CTNNA2: variants seen among roughly 807,000 people sequenced by gnomAD.
CTNNA2 encodes catenin alpha 2.
A neutral mutation model predicts 101.0 loss-of-function variants in CTNNA2; 42 were observed. The observed-to-expected ratio is 0.42, with a 90% CI of 0.32 to 0.54. The LOEUF (loss-of-function observed/expected upper bound fraction) is 0.54. Ranked by LOEUF, CTNNA2 falls within the 20% of genes least tolerant of loss-of-function variation. The pLI, the probability that CTNNA2 is intolerant of heterozygous loss-of-function variation, is 0.14. For synonymous variants in CTNNA2, 450 were observed against 456.4 expected, an observed-to-expected ratio of 0.99 and a Z score of 0.18; for missense variants, 871 against 1,223.1, an observed-to-expected ratio of 0.71 and a Z score of 4.29.
chr2:80,641,242 T>TTATTCTATTTAG (rs1301755154), intron 18 of CTNNA2, among the ~76,000 whole-genome samples: 2 of 152,210 alleles, frequency 1.3e-5, no homozygotes, highest in Non-Finnish European at 2.9e-5. Flanking sequence ...TTGGCTTATT[T>TTATTCTATTTAG]TATTCTATTT....
At chr2:79,435,564 G>T (rs1199678503) in intron 4 of CTNNA2, among the ~76,000 whole-genome samples, 1 of 152,134 alleles carries the variant, frequency 6.6e-6, no homozygotes, top group African/African-American at 2.4e-5. Flanking sequence ...TGGGAAATTC[G>T]TGATTCTGGG....
chr2:79,986,526 T>C (rs583990), intron 7 of CTNNA2, among the ~76,000 whole-genome samples: 101,326 of 151,958 alleles, frequency 0.67, 34,725 homozygotes, highest in Non-Finnish European at 0.75. Context: ...AATGCTGCAC[T>C]TTTCGTTGTT....
intron 1 of CTNNA2, among the ~76,000 whole-genome samples, chr2:79,600,501 G>A (rs1403838274): frequency 6.6e-6 from 1 of 152,112 alleles, no homozygotes; most frequent in Non-Finnish European, 1.5e-5. Context: ...AAAAGCAGAT[G>A]TGTGACCTGA....
At chr2:79,851,737 C>T (rs7422579) in intron 3 of CTNNA2, among the ~76,000 whole-genome samples, 16 of 87,110 alleles carry the variant, frequency 1.8e-4, no homozygotes, top group African/African-American at 2.3e-4. Context: ...TTTTCTTTTC[C>T]TTTTTTTTTT....
At chr2:80,027,794 C>T (rs1695027329) in intron 7 of CTNNA2, among the ~76,000 whole-genome samples, 1 of 151,380 alleles carries the variant, frequency 6.6e-6, no homozygotes, top group African/African-American at 2.4e-5. Context: ...ACAGCAAGAC[C>T]CTGTTTCTAC....
chr2:79,761,264 G>A (rs1672770217), intron 3 of CTNNA2, among the ~76,000 whole-genome samples: 1 of 151,992 alleles, frequency 6.6e-6, no homozygotes, highest in South Asian at 2.1e-4. Context: ...GTGACCATAA[G>A]GATTTAATGA....
intron 2 of CTNNA2, among the ~76,000 whole-genome samples, chr2:79,287,850 G>A (rs925412142): frequency 9.9e-5 from 15 of 151,946 alleles, no homozygotes; most frequent in South Asian, 6.2e-4. Flanking sequence ...CCCCAGCCTC[G>A]CTGCCACCTT....
chr2:80,479,511 G>A (rs1000696864), intron 9 of CTNNA2, among the ~76,000 whole-genome samples: 5 of 152,108 alleles, frequency 3.3e-5, no homozygotes, highest in Non-Finnish European at 1.5e-5. Flanking sequence ...ATGAAGTGAA[G>A]ACAAAGGAAA....
intron 4 of CTNNA2, among the ~76,000 whole-genome samples, chr2:79,442,910 C>T (rs182625264): frequency 6.6e-6 from 1 of 152,204 alleles, no homozygotes; most frequent in East Asian, 1.9e-4. Context: ...ACCTCCACCT[C>T]ACACATGCTT....
At chr2:79,833,570 G>A (rs1027166191) in intron 3 of CTNNA2, among the ~76,000 whole-genome samples, 33 of 152,118 alleles carry the variant, frequency 2.2e-4, no homozygotes, top group African/African-American at 7.7e-4. Context: ...TAGAAGGCTG[G>A]TGAGGAAAAT....
At chr2:80,455,688 G>C (rs1029242894) in intron 9 of CTNNA2, among the ~76,000 whole-genome samples, 1 of 152,180 alleles carries the variant, frequency 6.6e-6, no homozygotes, top group Non-Finnish European at 1.5e-5. Flanking sequence ...CAAGATGGTG[G>C]TGACTAATGT....
At chr2:79,612,990 A>C (rs972070134) in intron 1 of CTNNA2, among the ~76,000 whole-genome samples, 1 of 152,090 alleles carries the variant, frequency 6.6e-6, no homozygotes, top group African/African-American at 2.4e-5. Context: ...ATTTCTATTT[A>C]TATGCTTTGT....
intron 1 of CTNNA2, among the ~76,000 whole-genome samples, chr2:79,540,095 A>T (rs1207407573): frequency 6.6e-6 from 1 of 152,186 alleles, no homozygotes; most frequent in Non-Finnish European, 1.5e-5. Context: ...ATGTTTCCCC[A>T]GAACCTTATA....
At chr2:80,048,343 T>C (rs1473903979) in intron 7 of CTNNA2, among the ~76,000 whole-genome samples, 1 of 152,186 alleles carries the variant, frequency 6.6e-6, no homozygotes, top group Non-Finnish European at 1.5e-5. Context: ...ATGTACATCT[T>C]CAGGCAGTGA....
intron 7 of CTNNA2, among the ~76,000 whole-genome samples, chr2:79,995,373 T>C (rs2103923743): frequency 6.6e-6 from 1 of 152,324 alleles, no homozygotes; most frequent in South Asian, 2.1e-4. Context: ...CTCCTAGGGT[T>C]TGTACCTGTG....
chr2:80,549,420 T>C (rs562478814), intron 11 of CTNNA2, among the ~76,000 whole-genome samples: 8 of 152,338 alleles, frequency 5.3e-5, no homozygotes, highest in Admixed American at 2.6e-4. Context: ...TGTAGCCTTA[T>C]GGTTTACAAC....
At chr2:79,819,583 TCAAATGGTGGATAAAACATTTC>T (rs1677848669) in intron 3 of CTNNA2, among the ~76,000 whole-genome samples, 1 of 152,124 alleles carries the variant, frequency 6.6e-6, no homozygotes, top group African/African-American at 2.4e-5. Context: ...TATAAGAAAT[TCAAATGGTGGATAAAACATTTC>T]CAAAATTAAA....
chr2:79,963,234 C>T (rs377460009), intron 7 of CTNNA2, among the ~76,000 whole-genome samples: 6 of 152,138 alleles, frequency 3.9e-5, no homozygotes, highest in East Asian at 3.9e-4. Context: ...TATGTGTGTT[C>T]GTTTACATTG....
intron 18 of CTNNA2, among the ~76,000 whole-genome samples, chr2:80,626,967 G>T (rs1002580388): frequency 5.3e-4 from 80 of 151,900 alleles, no homozygotes; most frequent in Admixed American, 4.6e-3. Context: ...TGCGGTGTTT[G>T]GTTTTCTGTT....
Sources: gnomAD v4.1 joint callset for allele counts (sites outside exome capture counted in the v4.1 genomes callset) on GRCh38, gnomAD v4.1.1 for gene constraint, MANE v1.5 for transcripts, NCBI Gene and HGNC (gene_info 2026-07-23, HGNC 2026-07-21) for gene names.